MAGI3: variants seen among roughly 807,000 people sequenced by gnomAD.
MAGI3 encodes membrane associated guanylate kinase, WW and PDZ domain containing 3, also known as membrane-associated guanylate kinase, WW and PDZ domain-containing protein 3.
MAGI3 carries 43 observed loss-of-function variants against 121.8 expected under a neutral mutation model. The observed-to-expected ratio is 0.35, with a 90% confidence interval of 0.28 to 0.46. The LOEUF (loss-of-function observed/expected upper bound fraction) is 0.46, where lower values mean the gene tolerates loss of function less well. Among genes scored for constraint, MAGI3 ranks in the 20% least tolerant of loss-of-function variants. The probability of loss-of-function intolerance (pLI) is 1.00; values close to 1 mark genes in which losing one functional copy is unlikely to be tolerated. For missense variants in MAGI3, 1,547 were observed against 1,797.3 expected (o/e 0.86, Z 2.52); for synonymous variants, 553 against 639.3 (o/e 0.86, Z 2.04).
chr1:113,469,681 A>G (rs115406708), intron 1 of MAGI3, among the ~76,000 whole-genome samples: 212 of 152,252 alleles, frequency 1.4e-3, no homozygotes, highest in African/African-American at 5.1e-3. Context: ...TGGTCCCAAG[A>G]ATCAACTTAT....
intron 9 of MAGI3, among the ~76,000 whole-genome samples, chr1:113,627,031 T>A (rs1651285291): frequency 2.0e-5 from 3 of 152,076 alleles, no homozygotes; most frequent in Non-Finnish European, 2.9e-5. Context: ...GTTATTTATT[T>A]GAAGTTTTTC....
intron 1 of MAGI3, among the ~76,000 whole-genome samples, chr1:113,526,067 A>G (rs564281409): frequency 6.6e-6 from 1 of 152,242 alleles, no homozygotes; most frequent in Non-Finnish European, 1.5e-5. Flanking sequence ...AGGTTTATAA[A>G]GAAAAAAATT....
intron 1 of MAGI3, among the ~76,000 whole-genome samples, chr1:113,449,182 A>C (rs1276596275): frequency 6.6e-6 from 1 of 152,164 alleles, no homozygotes; most frequent in Admixed American, 6.5e-5. Flanking sequence ...TGGATAGTAA[A>C]AAGTTAATGA....
intron 9 of MAGI3, among the ~76,000 whole-genome samples, chr1:113,641,688 C>T (rs1217868140): frequency 6.6e-6 from 1 of 151,044 alleles, no homozygotes; most frequent in Non-Finnish European, 1.5e-5. Context: ...AGTCAAAATT[C>T]TTTGCTACTG....
At chr1:113,621,372 A>G (rs1275536746) in intron 8 of MAGI3, among the ~76,000 whole-genome samples, 1 of 152,188 alleles carries the variant, frequency 6.6e-6, no homozygotes, top group Non-Finnish European at 1.5e-5. Context: ...TATGTGTTGG[A>G]TTTGACAGTA....
chr1:113,595,561 C>T (rs1648947382), intron 6 of MAGI3, among the ~76,000 whole-genome samples: 1 of 152,042 alleles, frequency 6.6e-6, no homozygotes, highest in African/African-American at 2.4e-5. Context: ...ATATATTGTT[C>T]AGCATGATTA....
At chr1:113,509,865 G>A (rs907073129) in intron 1 of MAGI3, among the ~76,000 whole-genome samples, 6 of 146,544 alleles carry the variant, frequency 4.1e-5, no homozygotes, top group Admixed American at 3.5e-4. Context: ...TTTGTCTTCC[G>A]AGCCACGAGC....
At chr1:113,657,314 G>T (rs1478618799) in intron 15 of MAGI3, among the ~76,000 whole-genome samples, 1 of 152,154 alleles carries the variant, frequency 6.6e-6, no homozygotes, top group Non-Finnish European at 1.5e-5. Context: ...CTTTCTACTG[G>T]TCTGTTTGCT....
intron 1 of MAGI3, among the ~76,000 whole-genome samples, chr1:113,519,403 TTC>T (rs948289462): frequency 1.3e-5 from 2 of 152,198 alleles, no homozygotes; most frequent in African/African-American, 4.8e-5. Context: ...CCTATTAAAT[TTC>T]TTTTTGATAT....
intron 4 of MAGI3, among the ~76,000 whole-genome samples, chr1:113,586,517 T>C (rs1648376049): frequency 6.6e-6 from 1 of 152,224 alleles, no homozygotes; most frequent in Non-Finnish European, 1.5e-5. Flanking sequence ...TATAGTCCTA[T>C]CTTTCACATA....
intron 6 of MAGI3, among the ~76,000 whole-genome samples, chr1:113,604,565 CAAAAAAAAAAAA>C (rs59047770): frequency 5.5e-4 from 34 of 62,012 alleles, no homozygotes; most frequent in Middle Eastern, 0.016. Context: ...GTCTCCATCT[CAAAAAAAAAAAA>C]AAAAAAAAAA....
intron 1 of MAGI3, among the ~76,000 whole-genome samples, chr1:113,458,563 T>C (rs2101508906): frequency 6.6e-6 from 1 of 152,340 alleles, no homozygotes; most frequent in Middle Eastern, 3.4e-3. Context: ...CAGACTGGAA[T>C]GCAGTGGCAT....
At chr1:113,674,637 G>A (rs776699354) in intron 19 of MAGI3, among the ~76,000 whole-genome samples, 55 of 151,960 alleles carry the variant, frequency 3.6e-4, no homozygotes, top group Admixed American at 8.5e-4. Flanking sequence ...GTAATTATTA[G>A]ATGGTATATT....
chr1:113,508,176 A>G (rs1487152673), intron 1 of MAGI3, among the ~76,000 whole-genome samples: 1 of 152,220 alleles, frequency 6.6e-6, no homozygotes, highest in Non-Finnish European at 1.5e-5. Context: ...CAATTTTATG[A>G]AAATTATAAA....
chr1:113,556,755 G>A (rs987730979), intron 2 of MAGI3, among the ~76,000 whole-genome samples: 12 of 151,680 alleles, frequency 7.9e-5, no homozygotes, highest in Non-Finnish European at 1.5e-4. Context: ...TATTAGAGAC[G>A]ACATCTTGCT....
chr1:113,470,685 C>A (rs949283881), intron 1 of MAGI3, among the ~76,000 whole-genome samples: 1 of 152,144 alleles, frequency 6.6e-6, no homozygotes, highest in Non-Finnish European at 1.5e-5. Context: ...TAAACAACAT[C>A]TCCCCATTTC....
At position 113,595,965 on chromosome 1, in the gene MAGI3, A is replaced by G. The variant is rs144362601; in HGVS notation, c.1018+1405A>G. ...AAGATCGCTTGAGTCCAGGAGGTTGAGGCTGCGGTGAACCATGATCACGCC... is the reference window on the plus strand; with the variant it reads ...AAGATCGCTTGAGTCCAGGAGGTTGGGGCTGCGGTGAACCATGATCACGCC... On this transcript the variant is annotated intron_variant, in intron 6 of 20. Transcript: ENST00000307546. Among the ~76,000 whole-genome samples the G allele has an allele frequency of 5.1e-3, 772 of 152,242 alleles. 4 individuals carry two copies. Among genetic ancestry groups the G allele is most frequent in the African/African-American group, 0.018 (745 of 41,534 alleles).
At chr1:113,431,418 G>T (rs1217544495) in intron 1 of MAGI3, among the ~76,000 whole-genome samples, 1 of 152,128 alleles carries the variant, frequency 6.6e-6, no homozygotes, top group Non-Finnish European at 1.5e-5. Context: ...ACAGGGCAGA[G>T]AGATGAAAGG....
chr1:113,575,884 C>T (rs1390070753), intron 2 of MAGI3, among the ~76,000 whole-genome samples: 1 of 152,220 alleles, frequency 6.6e-6, no homozygotes, highest in African/African-American at 2.4e-5. Flanking sequence ...CAGAGATGCC[C>T]TGCCCAGTGA....
Sources: allele counts gnomAD v4.1 joint callset (sites outside exome capture counted in the v4.1 genomes callset), GRCh38; gene constraint gnomAD v4.1.1; transcripts MANE v1.5; gene names NCBI Gene and HGNC (gene_info 2026-07-23, HGNC 2026-07-21).